Variants in FLRT2 observed in about 807,000 individuals in gnomAD.
FLRT2 encodes leucine-rich repeat transmembrane protein FLRT2.
Under a neutral mutation model 40.0 loss-of-function variants are expected in FLRT2, and 15 were observed. That is an observed-to-expected ratio of 0.38 (90% CI 0.25 to 0.58). The LOEUF (loss-of-function observed/expected upper bound fraction) is 0.58. Ranked by LOEUF, FLRT2 falls within the 20% of genes least tolerant of loss-of-function variation. The pLI is 0.71. For synonymous variants in FLRT2, 380 were observed against 336.8 expected (o/e 1.13, Z -1.41); for missense variants, 726 against 840.0 (o/e 0.86, Z 1.68).
intron 1 of FLRT2, among the ~76,000 whole-genome samples, chr14:85,586,308 G>T (rs150264063): frequency 6.6e-6 from 1 of 151,908 alleles, no homozygotes; most frequent in Non-Finnish European, 1.5e-5. Flanking sequence ...CTGGAGTCAG[G>T]CTTCAATCCC....
In FLRT2 at chr14:85,652,894, T is replaced by G. The variant is rs1302197014; in HGVS notation, c.*29397T>G. 6.6e-6 allele frequency: 1 copy of G among 152,182 alleles called. No homozygotes were observed. The highest frequency in any genetic ancestry group is 1.9e-4 in the East Asian group (1 of 5,186). The allele number at this position is 152,182 out of a possible 1,614,324, so 9.4% of individuals were successfully genotyped here. A position where few individuals can be genotyped will look rare whatever the true frequency, so the allele number is the denominator to read the frequency against. On this transcript the variant is annotated 3_prime_UTR_variant, in exon 2 of 2. Coordinates refer to ENST00000330753, the MANE Select transcript of FLRT2 (RefSeq NM_013231.6). ...CAATGTAAGAACACCTTACTTTACA[T>G]TCATTGAACTCTGAGGTTATAGAAC...
Position 85,554,940 on chromosome 14 carries a change from T to A in FLRT2, c.-377+24406T>A, listed in dbSNP as rs541399609. On this transcript the variant is annotated intron_variant, in intron 1 of 1. Coordinates refer to ENST00000330753, the MANE Select transcript of FLRT2 (RefSeq NM_013231.6). ...TCTGTCACATGCCACTTCCGCAGAA[T>A]GCACTGATGTGGATTAAAGATCTAT... Among the ~76,000 whole-genome samples the A allele has an allele frequency of 1.2e-4, 18 of 152,290 alleles. No individual in the cohort carries two copies. The South Asian group carries it at 3.5e-3, about 30-fold the overall frequency.
Position 85,650,045 on chromosome 14 carries a change from G to C in FLRT2, c.*26548G>C. 6.6e-6 allele frequency: 1 copy of C among 151,912 alleles called. No individual in the cohort carries two copies. The highest frequency in any genetic ancestry group is 1.9e-4 in the East Asian group (1 of 5,190). The allele number at this position is 151,912 out of a possible 1,614,324, so 9.4% of individuals were successfully genotyped here. A position where few individuals can be genotyped will look rare whatever the true frequency, so the allele number is the denominator to read the frequency against. ...AATATCATCCTAAATTTGCTTCATT[G>C]CTTTTATTCATTAAAAATTACAAAT... On this transcript the variant is annotated 3_prime_UTR_variant, in exon 2 of 2. Coordinates refer to ENST00000330753, the MANE Select transcript of FLRT2 (RefSeq NM_013231.6).
chr14:85,618,459 A>G (rs1893231292), intron 1 of FLRT2, among the ~76,000 whole-genome samples: 1 of 152,170 alleles, frequency 6.6e-6, no homozygotes, highest in Non-Finnish European at 1.5e-5. Flanking sequence ...TTTTATTCTT[A>G]AATGTTTTAC....
chr14:85,613,031 T>C (rs1252525117), intron 1 of FLRT2, among the ~76,000 whole-genome samples: 1 of 152,178 alleles, frequency 6.6e-6, no homozygotes, highest in African/African-American at 2.4e-5. Context: ...TCATAAGCTT[T>C]TTTATAGCTC....
chr14:85,601,274 G>A (rs961222387), intron 1 of FLRT2, among the ~76,000 whole-genome samples: 1 of 152,202 alleles, frequency 6.6e-6, no homozygotes, highest in Non-Finnish European at 1.5e-5. Context: ...TCAGGGCCGG[G>A]TTGAACTCAC....
At chr14:85,599,136 G>A (rs552201780) in intron 1 of FLRT2, among the ~76,000 whole-genome samples, 1 of 151,006 alleles carries the variant, frequency 6.6e-6, no homozygotes, top group Non-Finnish European at 1.5e-5. Context: ...TAGCCAGGAT[G>A]ATCTTGATCT....
At position 85,622,133 on chromosome 14, in the gene FLRT2, G is replaced by C; in HGVS notation, c.619G>C (p.Glu207Gln). The stretch of plus-strand genomic sequence containing the variant: ...GGCCTTCCAGAATCTCACGAGCTTG[G>C]AGCGTCTTATTGTGGACGGGAACCT... The part of the protein sequence containing the change: ...DMAFQNLTSL[E>Q]RLIVDGNLLT... The change falls in exon 2 of 2, where the codon GAG becomes CAG. Residue 207 changes from glutamate to glutamine, a missense_variant. Glu to Gln is a conservative substitution (Grantham distance 29). Transcript: ENST00000330753. 1 of 1,614,140 alleles carries C rather than the reference G, an allele frequency of 6.2e-7. No individual in the cohort carries two copies. The highest frequency in any genetic ancestry group is 8.5e-7 in the Non-Finnish European group (1 of 1,180,024).
At chr14:85,579,180 T>C (rs1365159758) in intron 1 of FLRT2, among the ~76,000 whole-genome samples, 1 of 152,172 alleles carries the variant, frequency 6.6e-6, no homozygotes, top group Admixed American at 6.5e-5. Context: ...AGCTGTGCAG[T>C]GGGCTGGTGA....
At chr14:85,614,967 A>T (rs1472698521) in intron 1 of FLRT2, among the ~76,000 whole-genome samples, 1 of 152,198 alleles carries the variant, frequency 6.6e-6, no homozygotes, top group East Asian at 1.9e-4. Flanking sequence ...TTTATATCTT[A>T]TTAGTACTCT....
chr14:85,643,348 T>G lies in FLRT2; in HGVS notation c.*19851T>G. The G allele has an allele frequency of 2.5e-5, 1 of 40,642 alleles. No homozygotes were observed. Among genetic ancestry groups the G allele is most frequent in the Non-Finnish European group, 7.0e-5 (1 of 14,294 alleles). The allele number at this position is 40,642 out of a possible 1,614,324, so 2.5% of individuals were successfully genotyped here. ...CTTTCTTTCTTTCTTTCTTTCTTTC[T>G]TTCTTTCTTCCTTCCTTCCTTCCTT... On this transcript the variant is annotated 3_prime_UTR_variant, in exon 2 of 2. Coordinates refer to ENST00000330753, the MANE Select transcript of FLRT2 (RefSeq NM_013231.6).
At chr14:85,548,275 A>G (rs1193611751) in intron 1 of FLRT2, among the ~76,000 whole-genome samples, 2 of 152,246 alleles carry the variant, frequency 1.3e-5, no homozygotes, top group Non-Finnish European at 2.9e-5. Flanking sequence ...CCAAGTTTGC[A>G]CAAATAACTC....
intron 1 of FLRT2, among the ~76,000 whole-genome samples, chr14:85,535,802 C>CT (rs1343675685): frequency 1.3e-5 from 2 of 150,720 alleles, no homozygotes; most frequent in Non-Finnish European, 1.5e-5. Flanking sequence ...TTCCATGTCT[C>CT]TGCCAGTAGA....
chr14:85,568,640 A>C (rs972395264), intron 1 of FLRT2, among the ~76,000 whole-genome samples: 7 of 151,944 alleles, frequency 4.6e-5, no homozygotes, highest in Admixed American at 6.6e-5. Context: ...CTTTGTTTTC[A>C]TGAACTTCTT....
chr14:85,614,282 G>C (rs1239664188), intron 1 of FLRT2, among the ~76,000 whole-genome samples: 1 of 151,988 alleles, frequency 6.6e-6, no homozygotes, highest in Non-Finnish European at 1.5e-5. Flanking sequence ...CCAGTTTATT[G>C]AGTGCCTAAT....
At position 85,636,929 on chromosome 14, in the gene FLRT2, C is replaced by CAAAAAAAA. The variant is rs397853459; in HGVS notation, c.*13450_*13457dup. On this transcript the variant is annotated 3_prime_UTR_variant, in exon 2 of 2. Coordinates refer to ENST00000330753, the MANE Select transcript of FLRT2 (RefSeq NM_013231.6). ...GGGTGACAGAGCGATACTTCGTCTC[C>CAAAAAAAA]AAAAAAAAAAAAAAAAAAAAAAAAA... 2.6e-5 allele frequency: 1 copy of CAAAAAAAA among 38,612 alleles called. No individual in the cohort carries two copies. Among genetic ancestry groups the CAAAAAAAA allele is most frequent in the Non-Finnish European group, 5.0e-5 (1 of 19,966 alleles). 2.4% of individuals were successfully genotyped at this position (38,612 alleles called of 1,614,324 possible). A position where few individuals can be genotyped will look rare whatever the true frequency, so the allele number is the denominator to read the frequency against.
chr14:85,561,124 AT>A (rs1738237529), intron 1 of FLRT2: 1 of 152,186 alleles, frequency 6.6e-6, no homozygotes, highest in Non-Finnish European at 1.5e-5. Context: ...ATGATAATAC[AT>A]TCTGTACAAC....
Position 85,623,613 on chromosome 14 carries a change from C to A in FLRT2, c.*116C>A. ...TAAATGTTACACAGATGCATTTGTG[C>A]ATTTGAATACTCTGTAATTTATACG... On this transcript the variant is annotated 3_prime_UTR_variant, in exon 2 of 2. Transcript: ENST00000330753. 1 of 765,168 alleles carries A rather than the reference C, an allele frequency of 1.3e-6. No individual in the cohort carries two copies. Among genetic ancestry groups the A allele is most frequent in the Non-Finnish European group, 1.9e-6 (1 of 518,344 alleles). The allele number at this position is 765,168 out of a possible 1,614,324, so 47.4% of individuals were successfully genotyped here.
At chr14:85,561,069 C>T (rs985655997) in intron 1 of FLRT2, 2 of 152,158 alleles carry the variant, frequency 1.3e-5, no homozygotes, top group African/African-American at 4.8e-5. Flanking sequence ...CATTTTTTCC[C>T]CATTACCTTT....
Sources: allele counts gnomAD v4.1 joint callset (sites outside exome capture counted in the v4.1 genomes callset), GRCh38; gene constraint gnomAD v4.1.1; transcripts MANE v1.5; gene names NCBI Gene and HGNC (gene_info 2026-07-23, HGNC 2026-07-21).